Variants in CSK observed in about 807,000 individuals in gnomAD.
CSK encodes C-terminal Src kinase.
Under a neutral mutation model 62.3 loss-of-function variants are expected in CSK, and 7 were observed. The observed-to-expected ratio is 0.11, with a 90% CI of 0.06 to 0.21. The LOEUF (loss-of-function observed/expected upper bound fraction) is 0.21. Among genes scored for constraint, CSK ranks in the 10% least tolerant of loss-of-function variants. CSK has a pLI of 1.00. For synonymous variants in CSK, 237 were observed against 246.0 expected (o/e 0.96, Z 0.34); for missense variants, 294 against 613.5 (o/e 0.48, Z 5.50).
chr15:74,802,655 C>G lies in CSK; in HGVS notation c.*142C>G. On this transcript the variant is annotated 3_prime_UTR_variant, in exon 13 of 13. Transcript: ENST00000220003. ...TTTTTCCTGCGTCCCAGCCTGCACC[C>G]CTCCGGCCCCGTCTCTCTTGGACCC... 1 of 1,031,122 alleles carries G rather than the reference C, an allele frequency of 9.7e-7. No individual in the cohort carries two copies. The highest frequency in any genetic ancestry group is 1.6e-5 in the South Asian group (1 of 61,030). 63.9% of individuals were successfully genotyped at this position (1,031,122 alleles called of 1,614,324 possible). A position where few individuals can be genotyped will look rare whatever the true frequency, so the allele number is the denominator to read the frequency against.
At chr15:74,801,339 G>A (rs543257080) in intron 9 of CSK, among the ~76,000 whole-genome samples, 183 bp from the exon 10 acceptor site, 6 of 152,330 alleles carry the variant, frequency 3.9e-5, no homozygotes, top group Non-Finnish European at 7.3e-5. Context: ...AGATTTGTGA[G>A]AGTCAAGGGA....
intron 1 of CSK, among the ~76,000 whole-genome samples, chr15:74,784,550 AG>A (rs1201922852): frequency 6.6e-6 from 1 of 152,122 alleles, no homozygotes; most frequent in African/African-American, 2.4e-5. Context: ...CCACCCTCTC[AG>A]AAGCAGCTGC....
chr15:74,798,707 C>T lies in CSK; in HGVS notation c.108C>T (p.Leu36=), dbSNP rs1327408589. 6 of 1,613,628 alleles carry T rather than the reference C, an allele frequency of 3.7e-6. No individual in the cohort carries two copies. The highest frequency in any genetic ancestry group is 5.1e-6 in the Non-Finnish European group (6 of 1,180,016). ...TGCCCTTCTGCAAAGGAGACGTGCT[C>T]ACCATTGTGGCCGTCACCAAGGTAA... The part of the protein sequence containing the change: ...QDLPFCKGDV[L]TIVAVTKDPN... Residue 36 remains leucine (L), a synonymous_variant, in exon 3 of 13, where the codon CTC becomes CTT. Transcript: ENST00000220003. This position sits in a 1 kb window ranked among gnomAD's most constrained non-coding sequence, Gnocchi z 6.6.
At chr15:74,784,521 T>C (rs1382866133) in intron 1 of CSK, among the ~76,000 whole-genome samples, 3 of 152,004 alleles carry the variant, frequency 2.0e-5, no homozygotes, top group Admixed American at 6.5e-5. Flanking sequence ...GTGCTTTTCA[T>C]TGGTGAGCTT....
Position 74,801,042 on chromosome 15 carries a change from C to G in CSK, c.753C>G (p.Leu251=). Residue 251 remains leucine (L), a synonymous_variant, in exon 9 of 13, where the codon CTC becomes CTG. Transcript: ENST00000220003. ...TQLRHSNLVQ[L]LGVIVEEKGG... ...TGCGGCATAGCAACCTGGTGCAGCT[C>G]CTGGGCGTGATCGTGGAGGAGAAGG... 2 of 1,613,364 alleles carry G rather than the reference C, an allele frequency of 1.2e-6. No homozygotes were observed. Among genetic ancestry groups the G allele is most frequent in the Non-Finnish European group, 1.7e-6 (2 of 1,180,010 alleles).
intron 1 of CSK, among the ~76,000 whole-genome samples, chr15:74,794,688 C>G (rs1713483872): frequency 6.6e-6 from 1 of 152,060 alleles, no homozygotes; most frequent in Non-Finnish European, 1.5e-5. Flanking sequence ...TCAGGGTAAG[C>G]AAGACTTAGA....
intron 1 of CSK, among the ~76,000 whole-genome samples, chr15:74,791,490 T>C (rs2063619821): frequency 1.3e-5 from 2 of 152,206 alleles, no homozygotes; most frequent in Admixed American, 1.3e-4. Flanking sequence ...GTATCTCTTA[T>C]ATAATCACAA....
At chr15:74,786,000 C>CTTTTTTTTTTTT (rs1232728038) in intron 1 of CSK, among the ~76,000 whole-genome samples, 8 of 59,924 alleles carry the variant, frequency 1.3e-4, no homozygotes, top group Non-Finnish European at 2.2e-4. Context: ...CTCTCTCTCT[C>CTTTTTTTTTTTT]TCTTTTTTTT....
chr15:74,795,007 G>A (rs1045492255), intron 1 of CSK, among the ~76,000 whole-genome samples: 2 of 152,154 alleles, frequency 1.3e-5, no homozygotes, highest in African/African-American at 4.8e-5. Flanking sequence ...CTCTGGAAGT[G>A]TGTGGGGTCC....
Position 74,782,378 on chromosome 15 carries a change from G to C in CSK, c.-408G>C, listed in dbSNP as rs1156687118. On this transcript the variant is annotated 5_prime_UTR_variant, in exon 1 of 13. Transcript: ENST00000220003. This position sits in a 1 kb window ranked among gnomAD's most constrained non-coding sequence, Gnocchi z 5.7. Reference sequence around the variant, plus strand: ...CCCCGCGGCCCCGATCGAGCGTCCGGGGCGGCCCCCGGCAGCCAGCGCGAC... The same window carrying C: ...CCCCGCGGCCCCGATCGAGCGTCCGCGGCGGCCCCCGGCAGCCAGCGCGAC... 2.7e-5 allele frequency: 4 copies of C among 150,862 alleles called. No individual in the cohort carries two copies. Among genetic ancestry groups the C allele is most frequent in the Non-Finnish European group, 4.5e-5 (3 of 67,408 alleles). 9.3% of individuals were successfully genotyped at this position (150,862 alleles called of 1,614,324 possible).
intron 1 of CSK, among the ~76,000 whole-genome samples, chr15:74,793,496 C>T (rs2063657144): frequency 6.6e-6 from 1 of 152,180 alleles, no homozygotes; most frequent in South Asian, 2.1e-4. Context: ...AGGGCTGGCT[C>T]AGCAGCTCAG....
In CSK at chr15:74,800,837, G is replaced by A. The variant is rs566346664; in HGVS notation, c.637G>A (p.Asp213Asn). The A allele has an allele frequency of 7.4e-6, 12 of 1,612,902 alleles. No homozygotes were observed. Among genetic ancestry groups the A allele is most frequent in the East Asian group, 4.5e-5 (2 of 44,860 alleles). Residue 213 changes from aspartate (D) to asparagine (N), a missense_variant, in exon 8 of 13, where the codon GAT (aspartate) becomes AAT (asparagine). Physicochemically the swap from Asp to Asn is conservative, Grantham distance 23. This residue lies in a region of CSK where 202 missense variants were observed against 415.7 expected (regional missense o/e 0.49). Transcript: ENST00000220003. ...KGEFGDVMLGDYRGNKVAVKC... is the reference protein window; with the variant it reads ...KGEFGDVMLGNYRGNKVAVKC... ...TCTGCCCCCAGACGTGATGCTGGGC[G>A]ATTACCGAGGGAACAAAGTCGCCGT...
chr15:74,792,364 A>G (rs933124710), intron 1 of CSK, among the ~76,000 whole-genome samples: 2 of 152,156 alleles, frequency 1.3e-5, no homozygotes, highest in Non-Finnish European at 2.9e-5. Context: ...GACAGGGCAC[A>G]GGTGTCCTGG....
intron 1 of CSK, among the ~76,000 whole-genome samples, chr15:74,783,384 A>G (rs1226641251): frequency 6.6e-6 from 1 of 152,238 alleles, no homozygotes; most frequent in African/African-American, 2.4e-5. Flanking sequence ...TTTGTGGCCC[A>G]GACCAGGTGT....
At chr15:74,789,879 C>T (rs535810717) in intron 1 of CSK, among the ~76,000 whole-genome samples, 5 of 152,288 alleles carry the variant, frequency 3.3e-5, no homozygotes, top group Non-Finnish European at 5.9e-5. Flanking sequence ...GGACAGGAGC[C>T]GGGTCTGCAT....
Position 74,800,936 on chromosome 15 carries a change from G to GGGTAGGGGGGAGGTTGGCCTA in CSK, c.722+18_722+38dup. On this transcript the variant is annotated intron_variant, in intron 8 of 12. Transcript: ENST00000220003. ...CTCAGTCATGACGTGAGTGGGGGCG[G>GGGTAGGGGGGAGGTTGGCCTA]GGTAGGGGGGAGGTTGGCCTAGGTT... 1 of 1,612,910 alleles carries GGGTAGGGGGGAGGTTGGCCTA rather than the reference G, an allele frequency of 6.2e-7. No homozygotes were observed. The highest frequency in any genetic ancestry group is 8.5e-7 in the Non-Finnish European group (1 of 1,179,962).
Position 74,789,100 on chromosome 15 carries a change from G to A in CSK, c.-66+6380G>A, listed in dbSNP as rs540043831. On this transcript the variant is annotated intron_variant, in intron 1 of 12. Coordinates refer to ENST00000220003, the MANE Select transcript of CSK (RefSeq NM_004383.3). ...TCCCAAACCACTAGACGGGATTTCC[G>A]GTCCCACTGAACCATTGGGGGCAGG... is the stretch of plus-strand genomic sequence containing the variant. Among the ~76,000 whole-genome samples the A allele has an allele frequency of 3.3e-5, 5 of 152,350 alleles. No homozygotes were observed. The South Asian group carries it at 8.3e-4, about 25-fold the overall frequency.
chr15:74,790,130 C>T (rs753761983), intron 1 of CSK, among the ~76,000 whole-genome samples: 4 of 152,254 alleles, frequency 2.6e-5, no homozygotes, highest in Non-Finnish European at 5.9e-5. Flanking sequence ...TCCCCATCCC[C>T]CAGAGCATCC....
chr15:74,802,589 T>C lies in CSK; in HGVS notation c.*76T>C, dbSNP rs1325653163. ...TCATGGACCTGGTGCCCCTGCTCACTGGGCCCGAGCCTGAACTGAGCCCCA... is the reference window on the plus strand; with the variant it reads ...TCATGGACCTGGTGCCCCTGCTCACCGGGCCCGAGCCTGAACTGAGCCCCA... On this transcript the variant is annotated 3_prime_UTR_variant, in exon 13 of 13. Transcript: ENST00000220003. 1.3e-6 allele frequency: 2 copies of C among 1,558,568 alleles called. No homozygotes were observed. Among genetic ancestry groups the C allele is most frequent in the African/African-American group, 1.4e-5 (1 of 72,428 alleles).
Sources: allele counts gnomAD v4.1 joint callset (sites outside exome capture counted in the v4.1 genomes callset), GRCh38; gene constraint gnomAD v4.1.1; regional missense constraint gnomAD v4.1.1; non-coding constraint Gnocchi (gnomAD v3.1); transcripts MANE v1.5; gene names NCBI Gene and HGNC (gene_info 2026-07-23, HGNC 2026-07-21).